WDR91: variants seen among roughly 807,000 people sequenced by gnomAD.
WDR91 encodes the protein WD repeat-containing protein 91.
WDR91 carries 52 observed loss-of-function variants against 88.4 expected under a neutral mutation model. The observed-to-expected ratio is 0.59, with a 90% confidence interval of 0.47 to 0.74. The LOEUF (loss-of-function observed/expected upper bound fraction) is 0.74. Ranked by LOEUF, WDR91 falls within the 30% of genes least tolerant of loss-of-function variation. WDR91 has a pLI of 0.00. For missense variants in WDR91, 824 were observed against 954.5 expected (o/e 0.86, Z 1.80); for synonymous variants, 362 against 389.5 (o/e 0.93, Z 0.83).
chr7:135,188,561 A>G lies in WDR91; in HGVS notation c.1769-16T>C, dbSNP rs779358795. 1 of 1,603,012 alleles carries G rather than the reference A, an allele frequency of 6.2e-7. No homozygotes were observed. The highest frequency in any genetic ancestry group is 1.1e-5 in the South Asian group (1 of 90,896). On this transcript the variant is annotated splice_polypyrimidine_tract_variant and intron_variant, in intron 12 of 14. Coordinates refer to ENST00000354475, the MANE Select transcript of WDR91 (RefSeq NM_014149.4). The stretch of plus-strand genomic sequence containing the variant: ...TGCTGCATGTCTGAGGCAATGAGAC[A>G]CGGCCACTCACATCCTGGCCAGGGC...
rs543065863 is a variant in WDR91, at chr7:135,185,797, T to A, written c.*354A>T. The stretch of plus-strand genomic sequence containing the variant: ...GGACCACAAGAGTATTCTCTTTTTT[T>A]AAAAAAGAAAAAGATAAATGGGCAC... On this transcript the variant is annotated 3_prime_UTR_variant, in exon 15 of 15. Transcript: ENST00000354475. The A allele has an allele frequency of 1.9e-4, 35 of 181,154 alleles. No homozygotes were observed. In the South Asian group the frequency reaches 3.8e-3, roughly 19 times the overall value. 11.2% of individuals were successfully genotyped at this position (181,154 alleles called of 1,614,324 possible). A position where few individuals can be genotyped will look rare whatever the true frequency, so the allele number is the denominator to read the frequency against.
In WDR91 at chr7:135,193,656, C is replaced by A. The variant is rs779546686; in HGVS notation, c.1412G>T (p.Gly471Val). The A allele has an allele frequency of 1.9e-6, 3 of 1,614,084 alleles. No individual in the cohort carries two copies. The highest frequency in any genetic ancestry group is 2.5e-6 in the Non-Finnish European group (3 of 1,179,990). ...GTCATAGAGACGCACTGTTCCCACA[C>A]CACTGCCCAGCAAGAGCTGGAATGA... ...KRDRLLLLGS[G>V]VGTVRLYDTE... The change falls in exon 10 of 15, where the codon GGT (glycine) becomes GTT (valine). Residue 471 changes from glycine (G) to valine (V), a missense_variant. Coordinates refer to ENST00000354475, the MANE Select transcript of WDR91 (RefSeq NM_014149.4).
At position 135,185,868 on chromosome 7, in the gene WDR91, C is replaced by T. The variant is rs1489710142; in HGVS notation, c.*283G>A. The T allele has an allele frequency of 4.8e-6, 2 of 415,518 alleles. No homozygotes were observed. Among genetic ancestry groups the T allele is most frequent in the Non-Finnish European group, 8.5e-6 (2 of 236,300 alleles). The allele number at this position is 415,518 out of a possible 1,614,324, so 25.7% of individuals were successfully genotyped here. On this transcript the variant is annotated 3_prime_UTR_variant, in exon 15 of 15. Coordinates refer to ENST00000354475, the MANE Select transcript of WDR91 (RefSeq NM_014149.4). ...ATTTCTACTGGGCCAACACAGTAGC[C>T]ACTGCAATGTTTCTCCTTCTTCCGG...
intron 11 of WDR91, among the ~76,000 whole-genome samples, chr7:135,192,483 A>T (rs1396547450): frequency 6.6e-6 from 1 of 152,128 alleles, no homozygotes; most frequent in Non-Finnish European, 1.5e-5. Context: ...GGAGGGATGG[A>T]TGTGGCAAGG....
Position 135,189,352 on chromosome 7 carries a change from C to T in WDR91, c.1760G>A (p.Arg587Gln), listed in dbSNP as rs1247449539. Residue 587 changes from arginine (R) to glutamine (Q), a missense_variant, in exon 12 of 15, where the codon CGG becomes CAG. Transcript: ENST00000354475. Reference sequence around the variant, plus strand: ...TGAGCACACTTGCATACCAAACAGCCGGATGACGCCATCAGCTGCCCCTGT... The same window carrying T: ...TGAGCACACTTGCATACCAAACAGCTGGATGACGCCATCAGCTGCCCCTGT... Reference protein sequence around the residue: ...LVTGAADGVIRLFDMQQHECA... With the variant: ...LVTGAADGVIQLFDMQQHECA... 2 of 1,613,570 alleles carry T rather than the reference C, an allele frequency of 1.2e-6. No homozygotes were observed. Among genetic ancestry groups the T allele is most frequent in the Non-Finnish European group, 1.7e-6 (2 of 1,179,726 alleles).
chr7:135,189,358 A>G lies in WDR91; in HGVS notation c.1754T>C (p.Val585Ala). The change falls in exon 12 of 15, where the codon GTC becomes GCC. Residue 585 changes from valine to alanine, a missense_variant. Val to Ala is a moderately conservative substitution (Grantham distance 64). Transcript: ENST00000354475. ...NLLVTGAADG[V>A]IRLFDMQQHE... ...CACTTGCATACCAAACAGCCGGATG[A>G]CGCCATCAGCTGCCCCTGTGACCAG... The G allele has an allele frequency of 6.2e-7, 1 of 1,613,758 alleles. No individual in the cohort carries two copies. The highest frequency in any genetic ancestry group is 8.5e-7 in the Non-Finnish European group (1 of 1,179,782).
intron 12 of WDR91, among the ~76,000 whole-genome samples, chr7:135,189,096 G>T (rs939045412): frequency 2.0e-5 from 3 of 152,184 alleles, no homozygotes; most frequent in Non-Finnish European, 2.9e-5. Flanking sequence ...GGACTCAGAT[G>T]GAACAACTCA....
chr7:135,207,728 C>T (rs566749788), intron 3 of WDR91, among the ~76,000 whole-genome samples: 1 of 152,388 alleles, frequency 6.6e-6, no homozygotes, highest in South Asian at 2.1e-4. Context: ...CCAAGAACAA[C>T]GACAGTCTAT....
At chr7:135,207,097 G>T in intron 4 of WDR91, 23 bp downstream of exon 4, 1 of 1,590,500 alleles carries the variant, frequency 6.3e-7, no homozygotes, top group South Asian at 1.1e-5. Flanking sequence ...ACTTCCTCAG[G>T]AGCAAGCCTG....
Position 135,195,468 on chromosome 7 carries a change from A to G in WDR91, c.1245-384T>C, listed in dbSNP as rs1294886794. 2.0e-5 allele frequency among the ~76,000 whole-genome samples: 3 copies of G among 152,362 alleles called. No individual in the cohort carries two copies. In the East Asian group the frequency reaches 5.8e-4, roughly 29 times the overall value. ...ACGAGAAACCCATCTACAGCTGAAA[A>G]TTATGCCCCACCAGGGTTTGTTCTT... On this transcript the variant is annotated intron_variant, in intron 8 of 14. Transcript: ENST00000354475.
rs1585421544 is a variant in WDR91, at chr7:135,198,314, G to T, written c.892-163C>A. On this transcript the variant is annotated intron_variant, in intron 6 of 14. Coordinates refer to ENST00000354475, the MANE Select transcript of WDR91 (RefSeq NM_014149.4). ...GTAGGTGAGGTCATAGTCAGCCCCT[G>T]CTATGACCTCCTCCTTTCTGTCCTC... is the stretch of plus-strand genomic sequence containing the variant. 7.0e-6 allele frequency: 5 copies of T among 715,300 alleles called. No homozygotes were observed. In the East Asian group the frequency reaches 1.4e-4, roughly 20 times the overall value. 44.3% of individuals were successfully genotyped at this position (715,300 alleles called of 1,614,324 possible). A position where few individuals can be genotyped will look rare whatever the true frequency, so the allele number is the denominator to read the frequency against.
chr7:135,191,277 G>A (rs1235088850), intron 11 of WDR91, among the ~76,000 whole-genome samples: 1 of 152,178 alleles, frequency 6.6e-6, no homozygotes, highest in African/African-American at 2.4e-5. Flanking sequence ...CGGTTGTTTA[G>A]GGATATATAG....
intron 14 of WDR91, 40 bp downstream of exon 14, chr7:135,186,929 CCCA>C: frequency 6.2e-7 from 1 of 1,609,914 alleles, no homozygotes; most frequent in Non-Finnish European, 8.5e-7. Flanking sequence ...GGAACCCCTG[CCCA>C]CCACAATACC....
chr7:135,196,103 C>G lies in WDR91; in HGVS notation c.1244+41G>C. ...ACCTCCACGTGTACTGCCTGAAAAT[C>G]TGAGCTTCCCAGGGTTTCCTTGGCC... On this transcript the variant is annotated intron_variant, in intron 8 of 14. Transcript: ENST00000354475. This position sits in a 1 kb window ranked among gnomAD's most constrained non-coding sequence, Gnocchi z 4.2. The G allele has an allele frequency of 1.4e-6, 2 of 1,464,572 alleles. No homozygotes were observed. The highest frequency in any genetic ancestry group is 3.7e-4 in the Middle Eastern group (2 of 5,444). 90.7% of individuals were successfully genotyped at this position (1,464,572 alleles called of 1,614,324 possible).
chr7:135,187,544 ATATTAT>A (rs148155646), intron 13 of WDR91, among the ~76,000 whole-genome samples: 2 of 152,008 alleles, frequency 1.3e-5, no homozygotes, highest in African/African-American at 4.8e-5. Context: ...TTCAAGTGAC[ATATTAT>A]TATTATTATT....
rs760836095 is a variant in WDR91 at position 135,198,101 on chromosome 7, G to A, written c.942C>T (p.Leu314=). The part of the protein sequence containing the change: ...PTSGAKDGKS[L]LSGLATGESG... ...ACTCCCCAGTGGCCAGCCCGCTGAG[G>A]AGGCTCTTCCCATCCTTGGCTCCGG... The change falls in exon 7 of 15, where the codon CTC becomes CTT. Residue 314 remains leucine (L), a synonymous_variant. Transcript: ENST00000354475. The A allele has an allele frequency of 1.1e-5, 18 of 1,613,840 alleles. No homozygotes were observed. Among genetic ancestry groups the A allele is most frequent in the Non-Finnish European group, 1.4e-5 (17 of 1,179,888 alleles).
intron 6 of WDR91, chr7:135,201,426 A>G (rs1164570110): frequency 6.6e-6 from 1 of 151,984 alleles, no homozygotes; most frequent in Admixed American, 6.6e-5. Flanking sequence ...CCAGGCTTTC[A>G]ATACAAAAGC....
rs1299700187 is a variant in WDR91 at position 135,195,037 on chromosome 7, AC to A, written c.1291del (p.Val431SerfsTer105). On this transcript the variant is annotated frameshift_variant, in exon 9 of 15. Transcript: ENST00000354475. LOFTEE classifies it high-confidence loss of function. Reference protein sequence around the residue: ...RRVASLDVDGVIKVWSFNPIM... With the variant: ...RRVASLDVDGXIKVWSFNPIM... ...GGGGTTGAAGGACCACACTTTGATG[AC>A]CCCATCTACGTCTAAGCTGGCGACT... 1 of 1,613,814 alleles carries A rather than the reference AC, an allele frequency of 6.2e-7. No individual in the cohort carries two copies.
intron 6 of WDR91, among the ~76,000 whole-genome samples, chr7:135,200,464 C>T (rs972802177): frequency 6.6e-6 from 1 of 152,184 alleles, no homozygotes; most frequent in African/African-American, 2.4e-5. Flanking sequence ...AGCTTGCACC[C>T]TTCTGGAAGC....
Sources: allele counts gnomAD v4.1 joint callset (sites outside exome capture counted in the v4.1 genomes callset), GRCh38; gene constraint gnomAD v4.1.1; non-coding constraint Gnocchi (gnomAD v3.1); transcripts MANE v1.5; gene names NCBI Gene and HGNC (gene_info 2026-07-23, HGNC 2026-07-21).